The following ATRNL1 variants were observed in gnomAD, a reference collection of about 807,000 sequenced individuals.
ATRNL1 encodes the protein attractin-like protein 1.
ATRNL1 carries 95 observed loss-of-function variants against 182.7 expected under a neutral mutation model. The observed-to-expected ratio is 0.52, with a 90% CI of 0.44 to 0.62. The LOEUF (loss-of-function observed/expected upper bound fraction) is 0.62. Ranked by LOEUF, ATRNL1 falls within the 20% of genes least tolerant of loss-of-function variation. The pLI, the probability that ATRNL1 is intolerant of heterozygous loss-of-function variation, is 0.00. For missense variants in ATRNL1, 1,471 were observed against 1,679.5 expected (o/e 0.88, Z 2.17); for synonymous variants, 576 against 568.3 (o/e 1.01, Z -0.19).
chr10:115,130,847 C>T (rs116395092), intron 5 of ATRNL1, among the ~76,000 whole-genome samples: 1,787 of 152,148 alleles, frequency 0.012, 33 homozygotes, highest in African/African-American at 0.04. Context: ...TCAAACTGGT[C>T]TTCAATTGCT....
chr10:115,385,507 T>G (rs558981287), intron 19 of ATRNL1, among the ~76,000 whole-genome samples: 6 of 152,314 alleles, frequency 3.9e-5, no homozygotes, highest in African/African-American at 1.2e-4. Flanking sequence ...CCTCAGCCTA[T>G]GACTTCACTT....
intron 25 of ATRNL1, among the ~76,000 whole-genome samples, chr10:115,541,641 C>T (rs1554992013): frequency 6.6e-6 from 1 of 151,982 alleles, no homozygotes; most frequent in Non-Finnish European, 1.5e-5. Flanking sequence ...AAAATATACT[C>T]ATATAATGTG....
At chr10:115,310,318 C>T (rs977857745) in intron 17 of ATRNL1, among the ~76,000 whole-genome samples, 1 of 151,848 alleles carries the variant, frequency 6.6e-6, no homozygotes, top group Admixed American at 6.6e-5. Context: ...TATGTTCTTC[C>T]CTGACTTTGC....
At chr10:115,509,331 G>A (rs1850271424) in intron 24 of ATRNL1, among the ~76,000 whole-genome samples, 1 of 151,952 alleles carries the variant, frequency 6.6e-6, no homozygotes, top group Non-Finnish European at 1.5e-5. Flanking sequence ...TACGGTTTGG[G>A]TGGTGTCCCC....
At chr10:115,824,802 T>G (rs1420166405) in intron 27 of ATRNL1, among the ~76,000 whole-genome samples, 1 of 152,214 alleles carries the variant, frequency 6.6e-6, no homozygotes, top group African/African-American at 2.4e-5. Context: ...GCTTGTACAC[T>G]GTTGGTGGGT....
At chr10:115,771,827 C>T (rs534123360) in intron 27 of ATRNL1, among the ~76,000 whole-genome samples, 7 of 152,232 alleles carry the variant, frequency 4.6e-5, no homozygotes, top group African/African-American at 1.7e-4. Context: ...GAAATGTTAT[C>T]TGAAAGGCTT....
chr10:115,315,310 G>T (rs1174545713), intron 17 of ATRNL1, among the ~76,000 whole-genome samples: 1 of 151,966 alleles, frequency 6.6e-6, no homozygotes, highest in Non-Finnish European at 1.5e-5. Flanking sequence ...CTCCTGTGGT[G>T]GCCTGTTTAT....
At chr10:115,406,011 A>G (rs1554958168) in intron 20 of ATRNL1, among the ~76,000 whole-genome samples, 1 of 151,924 alleles carries the variant, frequency 6.6e-6, no homozygotes, top group African/African-American at 2.4e-5. Context: ...GTCCCTACAA[A>G]GGACATAAAC....
chr10:115,348,869 A>G (rs1442619891), intron 19 of ATRNL1, among the ~76,000 whole-genome samples: 1 of 152,180 alleles, frequency 6.6e-6, no homozygotes, highest in Non-Finnish European at 1.5e-5. Flanking sequence ...GGTACATGTG[A>G]TATTTTAATA....
intron 28 of ATRNL1, among the ~76,000 whole-genome samples, chr10:115,936,393 C>T (rs2134607905): frequency 6.6e-6 from 1 of 152,256 alleles, no homozygotes; most frequent in South Asian, 2.1e-4. Flanking sequence ...ACTGCTAAAT[C>T]CTTGGGGACT....
chr10:115,743,341 C>A (rs1350581999), intron 27 of ATRNL1, among the ~76,000 whole-genome samples: 1 of 151,826 alleles, frequency 6.6e-6, no homozygotes, highest in Non-Finnish European at 1.5e-5. Flanking sequence ...CATTTCACCC[C>A]AATAAGCTGA....
chr10:115,654,187 G>A (rs1164849139), intron 26 of ATRNL1, among the ~76,000 whole-genome samples: 2 of 151,666 alleles, frequency 1.3e-5, no homozygotes, highest in African/African-American at 2.4e-5. Context: ...CATTGCTGTT[G>A]TAGACAGAAT....
chr10:115,845,045 A>G (rs539113421), intron 27 of ATRNL1, among the ~76,000 whole-genome samples: 14 of 152,022 alleles, frequency 9.2e-5, no homozygotes, highest in Non-Finnish European at 1.8e-4. Flanking sequence ...ATTGAAAGTG[A>G]TATTTGCCAC....
At chr10:115,372,057 T>G (rs1241387958) in intron 19 of ATRNL1, among the ~76,000 whole-genome samples, 1 of 152,212 alleles carries the variant, frequency 6.6e-6, no homozygotes, top group Non-Finnish European at 1.5e-5. Flanking sequence ...ACCTTTCACC[T>G]TCTGCCGTGA....
intron 28 of ATRNL1, among the ~76,000 whole-genome samples, chr10:115,872,998 C>T (rs1407045984): frequency 2.0e-5 from 3 of 152,150 alleles, no homozygotes; most frequent in Non-Finnish European, 2.9e-5. Context: ...AAGATCTTTC[C>T]GATCATATTT....
chr10:115,109,463 A>G (rs1298286741), intron 1 of ATRNL1, among the ~76,000 whole-genome samples: 2 of 152,202 alleles, frequency 1.3e-5, no homozygotes, highest in Non-Finnish European at 2.9e-5. Flanking sequence ...AGAGGAGGGC[A>G]AAAGGGGGTG....
intron 21 of ATRNL1, among the ~76,000 whole-genome samples, chr10:115,445,506 C>T (rs981276919): frequency 2.5e-5 from 3 of 119,254 alleles, no homozygotes; most frequent in Admixed American, 9.1e-5. Context: ...CTCATTTGTC[C>T]GTGTGTGTGT....
At chr10:115,221,363 A>G (rs1368885490) in intron 9 of ATRNL1, among the ~76,000 whole-genome samples, 3 of 152,204 alleles carry the variant, frequency 2.0e-5, no homozygotes, top group African/African-American at 7.2e-5. Flanking sequence ...TTACCACCTC[A>G]GAACTGGTTT....
intron 24 of ATRNL1, among the ~76,000 whole-genome samples, chr10:115,475,031 A>G (rs556672179): frequency 4.0e-5 from 6 of 151,374 alleles, no homozygotes; most frequent in Admixed American, 1.3e-4. Flanking sequence ...AAATCACTCC[A>G]TTTCCTTAAT....
Sources: gnomAD v4.1 joint callset for allele counts (sites outside exome capture counted in the v4.1 genomes callset) on GRCh38, gnomAD v4.1.1 for gene constraint, MANE v1.5 for transcripts, NCBI Gene and HGNC (gene_info 2026-07-23, HGNC 2026-07-21) for gene names.